Variants in GRM7 observed in about 807,000 individuals in gnomAD.
The protein encoded by GRM7 is glutamate metabotropic receptor 7.
Under a neutral mutation model 84.5 loss-of-function variants are expected in GRM7, and 35 were observed. The ratio of observed to expected loss-of-function variants is 0.41; its 90% CI spans 0.32 to 0.55. GRM7 has a LOEUF of 0.55. GRM7 is among the 20% of genes least tolerant of loss of function. The pLI is 0.19. For synonymous variants in GRM7, 487 were observed against 455.1 expected, an observed-to-expected ratio of 1.07 and a Z score of -0.89; for missense variants, 1,003 against 1,194.6, an observed-to-expected ratio of 0.84 and a Z score of 2.36.
Position 6,861,739 on chromosome 3 carries a change from A to T in GRM7, c.351A>T (p.Glu117Asp), listed in dbSNP as rs1048380494. 17 of 1,614,232 alleles carry T rather than the reference A, an allele frequency of 1.1e-5. No individual in the cohort carries two copies. The highest frequency in any genetic ancestry group is 1.4e-5 in the Non-Finnish European group (17 of 1,180,040). Residue 117 changes from glutamate to aspartate, a missense_variant, in exon 1 of 10, where the codon GAA (glutamate) becomes GAT (aspartate). By Grantham distance (45) the Glu-to-Asp change is conservative. This residue lies in a region of GRM7 where 910 missense variants were observed against 1,126.0 expected (regional missense o/e 0.81). Coordinates refer to ENST00000357716, the MANE Select transcript of GRM7 (RefSeq NM_000844.4). This position sits in a 1 kb window ranked among gnomAD's most constrained non-coding sequence, Gnocchi z 6.4. ...GTTCCAGGGACACTTACGCGCTCGAACAGTCGCTTACTTTCGTCCAGGCGC... is the reference window on the plus strand; with the variant it reads ...GTTCCAGGGACACTTACGCGCTCGATCAGTCGCTTACTTTCGTCCAGGCGC... Reference protein sequence around the residue: ...DTCSRDTYALEQSLTFVQALI... With the variant: ...DTCSRDTYALDQSLTFVQALI...
intron 1 of GRM7, among the ~76,000 whole-genome samples, chr3:7,139,727 A>T (rs974822170): frequency 1.3e-5 from 2 of 152,026 alleles, no homozygotes; most frequent in African/African-American, 4.8e-5. Context: ...GCAGAGGTTT[A>T]GAAAAGAAAA....
intron 1 of GRM7, among the ~76,000 whole-genome samples, chr3:7,131,651 G>A (rs1693603320): frequency 6.9e-6 from 1 of 144,528 alleles, no homozygotes; most frequent in African/African-American, 2.7e-5. Flanking sequence ...GTTAATTTTT[G>A]TATTTTTAGT....
chr3:7,103,579 T>A (rs1390252544), intron 1 of GRM7, among the ~76,000 whole-genome samples: 1 of 151,846 alleles, frequency 6.6e-6, no homozygotes, highest in African/African-American at 2.4e-5. Context: ...TGTAGGCTTT[T>A]AATTACAACA....
chr3:7,540,333 G>GT (rs757444936), intron 7 of GRM7, among the ~76,000 whole-genome samples: 8 of 152,210 alleles, frequency 5.3e-5, no homozygotes, highest in Non-Finnish European at 1.2e-4. Flanking sequence ...TTACCCAGTT[G>GT]TTCATCAACT....
intron 4 of GRM7, chr3:7,403,094 T>C: frequency 4.8e-6 from 2 of 416,054 alleles, no homozygotes; most frequent in South Asian, 3.5e-5. Context: ...CTATAGTTAT[T>C]AAAAATAAAA....
intron 4 of GRM7, among the ~76,000 whole-genome samples, chr3:7,307,241 C>G (rs1420075159): frequency 6.6e-6 from 1 of 152,146 alleles, no homozygotes; most frequent in Non-Finnish European, 1.5e-5. Flanking sequence ...TTTTGAGAGG[C>G]AGAAGTAGGA....
intron 7 of GRM7, among the ~76,000 whole-genome samples, chr3:7,550,567 CTCTCTCTCTCTGTGTGTGTGTGTGTG>C (rs924990426): frequency 3.9e-5 from 4 of 101,968 alleles, no homozygotes; most frequent in African/African-American, 1.3e-4. Flanking sequence ...CTCTCTCTCT[CTCTCTCTCTCTGTGTGTGTGTGTGTG>C]TGTGTGTGTG....
chr3:6,953,377 C>T (rs1216455600), intron 1 of GRM7, among the ~76,000 whole-genome samples: 1 of 152,178 alleles, frequency 6.6e-6, no homozygotes, highest in East Asian at 1.9e-4. Flanking sequence ...CCCTGACAAG[C>T]CAACATATAG....
At chr3:7,020,351 GGA>G (rs1210947529) in intron 1 of GRM7, among the ~76,000 whole-genome samples, 1 of 152,200 alleles carries the variant, frequency 6.6e-6, no homozygotes, top group African/African-American at 2.4e-5. Flanking sequence ...TGGAGTTAGG[GGA>G]GAGAGAGGGA....
intron 2 of GRM7, among the ~76,000 whole-genome samples, chr3:7,242,605 G>A (rs1697601230): frequency 6.6e-6 from 1 of 152,048 alleles, no homozygotes; most frequent in Admixed American, 6.6e-5. Context: ...ATATTGTAAG[G>A]GCCTTTAGGC....
In GRM7 at chr3:7,251,867, C is replaced by T. The variant is rs190836112; in HGVS notation, c.737-46817C>T. 7.9e-4 allele frequency among the ~76,000 whole-genome samples: 120 copies of T among 152,202 alleles called. 1 individual carries two copies. Among genetic ancestry groups the T allele is most frequent in the Non-Finnish European group, 1.3e-3 (89 of 68,002 alleles). ...CATAAGTATAACCTGATGTTGAGAG[C>T]AAATTATCAAAGATAGTTATTACTA... On this transcript the variant is annotated intron_variant, in intron 2 of 9. Transcript: ENST00000357716.
intron 2 of GRM7, among the ~76,000 whole-genome samples, chr3:7,228,857 A>G (rs1215238298): frequency 6.6e-6 from 1 of 152,252 alleles, no homozygotes; most frequent in Non-Finnish European, 1.5e-5. Context: ...GGAAAGTATA[A>G]TAGCTTTGAT....
At chr3:7,623,525 A>G (rs1428287921) in intron 8 of GRM7, among the ~76,000 whole-genome samples, 2 of 152,194 alleles carry the variant, frequency 1.3e-5, no homozygotes, top group African/African-American at 4.8e-5. Flanking sequence ...CACCAAATTC[A>G]CATTTACTGA....
chr3:7,281,642 T>C (rs568632794), intron 2 of GRM7, among the ~76,000 whole-genome samples: 10 of 152,310 alleles, frequency 6.6e-5, no homozygotes, highest in African/African-American at 2.2e-4. Context: ...AACAGTGATA[T>C]ATACTGTGGG....
intron 2 of GRM7, among the ~76,000 whole-genome samples, chr3:7,243,747 G>A (rs755954495): frequency 2.6e-5 from 4 of 152,028 alleles, no homozygotes; most frequent in Non-Finnish European, 5.9e-5. Flanking sequence ...ATCATTGTGT[G>A]AGCATCATAC....
At chr3:6,876,391 G>C (rs911314940) in intron 1 of GRM7, among the ~76,000 whole-genome samples, 2 of 152,070 alleles carry the variant, frequency 1.3e-5, no homozygotes, top group Non-Finnish European at 2.9e-5. Flanking sequence ...TGCTTGCTGG[G>C]TGTAAGAAAC....
chr3:7,677,950 T>C (rs1700202232), intron 8 of GRM7, among the ~76,000 whole-genome samples: 1 of 152,192 alleles, frequency 6.6e-6, no homozygotes, highest in South Asian at 2.1e-4. Context: ...TGTTGAACTG[T>C]AGGCCATTTT....
At chr3:7,342,818 A>G (rs1021661839) in intron 4 of GRM7, among the ~76,000 whole-genome samples, 1 of 152,146 alleles carries the variant, frequency 6.6e-6, no homozygotes, top group Non-Finnish European at 1.5e-5. Flanking sequence ...ATCAAGATCC[A>G]GGCAGCCTGC....
At chr3:6,989,598 A>G (rs756011549) in intron 1 of GRM7, among the ~76,000 whole-genome samples, 1 of 152,274 alleles carries the variant, frequency 6.6e-6, no homozygotes, top group African/African-American at 2.4e-5. Context: ...TGACAAATAT[A>G]TAAGACATCT....
Sources: gnomAD v4.1 joint callset for allele counts (sites outside exome capture counted in the v4.1 genomes callset) on GRCh38, gnomAD v4.1.1 for gene constraint, gnomAD v4.1.1 regional missense constraint, Gnocchi (gnomAD v3.1) non-coding constraint, MANE v1.5 for transcripts, NCBI Gene and HGNC (gene_info 2026-07-23, HGNC 2026-07-21) for gene names.